SH3BP2: variants seen among roughly 807,000 people sequenced by gnomAD.
SH3BP2 encodes the protein SH3 domain-binding protein 2.
Under a neutral mutation model 56.2 loss-of-function variants are expected in SH3BP2, and 38 were observed. That is an observed-to-expected ratio of 0.68 (90% CI 0.52 to 0.89). The LOEUF is 0.89. SH3BP2 is among the 40% of genes least tolerant of loss of function. The pLI is 0.00. For synonymous variants in SH3BP2, 346 were observed against 316.7 expected, an observed-to-expected ratio of 1.09 and a Z score of -0.98; for missense variants, 748 against 762.6, an observed-to-expected ratio of 0.98 and a Z score of 0.23.
At chr4:2,806,305 C>T (rs1053766112) in intron 1 of SH3BP2, among the ~76,000 whole-genome samples, 1 of 152,120 alleles carries the variant, frequency 6.6e-6, no homozygotes, top group Admixed American at 6.5e-5. Flanking sequence ...ACAGTGAAAC[C>T]CTTCAGGCCA....
intron 2 of SH3BP2, among the ~76,000 whole-genome samples, chr4:2,821,388 TCTC>T (rs971149647): frequency 6.6e-6 from 1 of 152,108 alleles, no homozygotes; most frequent in African/African-American, 2.4e-5. Flanking sequence ...GTTGAGCTGT[TCTC>T]CTCTTTGCAC....
rs946632787 is a variant in SH3BP2, at chr4:2,831,968, G to T, written c.1396G>T (p.Glu466Ter). Residue 466 changes from glutamate to a stop codon, truncating the protein, a stop_gained, in exon 10 of 13, where the codon GAA (glutamate) becomes TAA (stop). Transcript: ENST00000503393. LOFTEE classifies it high-confidence loss of function. The surrounding 1 kb of genome is among the most constrained non-coding windows in gnomAD (Gnocchi z 4.1). ...SVFVNTTESC[E>*]VERLFKATSP... ...CTTCGTCAACACCACGGAGTCCTGC[G>T]AAGTGGAAAGGTCAGCACAAAGCCC... 3 of 1,612,920 alleles carry T rather than the reference G, an allele frequency of 1.9e-6. No individual in the cohort carries two copies. The highest frequency in any genetic ancestry group is 2.5e-6 in the Non-Finnish European group (3 of 1,180,028).
chr4:2,833,654 G>C, intron 12 of SH3BP2, 43 bp from the exon 13 acceptor site: 1 of 1,593,056 alleles, frequency 6.3e-7, no homozygotes, highest in Non-Finnish European at 8.6e-7. Context: ...GAGCCGCAGA[G>C]TGGCCTGGCC....
At chr4:2,819,035 C>T (rs1361031884) in intron 1 of SH3BP2, 2 of 321,958 alleles carry the variant, frequency 6.2e-6, no homozygotes, top group Admixed American at 6.5e-5. Context: ...CTGGCTCAAT[C>T]GATCCTCCTG....
At chr4:2,809,269 C>T (rs1247220010) in intron 1 of SH3BP2, among the ~76,000 whole-genome samples, 1 of 149,026 alleles carries the variant, frequency 6.7e-6, no homozygotes, top group African/African-American at 2.5e-5. Context: ...CCCACCCACT[C>T]TCCTAGGGCT....
At chr4:2,815,714 G>A (rs1443368551) in intron 1 of SH3BP2, among the ~76,000 whole-genome samples, 1 of 152,248 alleles carries the variant, frequency 6.6e-6, no homozygotes, top group Non-Finnish European at 1.5e-5. Context: ...CTCTGTTTCA[G>A]CTTCCTGTGC....
In SH3BP2 at chr4:2,839,193, A is replaced by T. The variant is rs1725335323; in HGVS notation, c.*5359A>T. Reference sequence around the variant, plus strand: ...TCTTTTCTTTTTTTTTTTTTCTGAGACAGGGTCTCACTCTGTTGCCCTGGC... The same window carrying T: ...TCTTTTCTTTTTTTTTTTTTCTGAGTCAGGGTCTCACTCTGTTGCCCTGGC... On this transcript the variant is annotated 3_prime_UTR_variant, in exon 13 of 13. Transcript: ENST00000503393. 6.9e-6 allele frequency: 1 copy of T among 144,862 alleles called. No homozygotes were observed. 9.0% of individuals were successfully genotyped at this position (144,862 alleles called of 1,614,324 possible). A position where few individuals can be genotyped will look rare whatever the true frequency, so the allele number is the denominator to read the frequency against.
At chr4:2,812,855 C>CATGTTGTGAT (rs34304762) in intron 1 of SH3BP2, among the ~76,000 whole-genome samples, 2 of 151,964 alleles carry the variant, frequency 1.3e-5, no homozygotes, top group African/African-American at 4.8e-5. Context: ...TAAGTACACA[C>CATGTTGTGAT]GTTGTGTATG....
intron 1 of SH3BP2, among the ~76,000 whole-genome samples, chr4:2,811,506 T>C (rs1577345787): frequency 6.6e-6 from 1 of 152,160 alleles, no homozygotes; most frequent in Admixed American, 6.5e-5. Flanking sequence ...GTGGCTAGAA[T>C]CCCCATTCCC....
At chr4:2,815,469 G>T (rs1371958356) in intron 1 of SH3BP2, among the ~76,000 whole-genome samples, 1 of 152,232 alleles carries the variant, frequency 6.6e-6, no homozygotes, top group Non-Finnish European at 1.5e-5. Flanking sequence ...CAGCAGCCAG[G>T]CAGGAACGAG....
chr4:2,816,752 A>G (rs1724019103), intron 1 of SH3BP2, among the ~76,000 whole-genome samples: 1 of 152,256 alleles, frequency 6.6e-6, no homozygotes, highest in African/African-American at 2.4e-5. Context: ...TGTTTTGAAT[A>G]TTAAACCATC....
chr4:2,804,536 G>A (rs996982813), intron 1 of SH3BP2, among the ~76,000 whole-genome samples: 2 of 152,148 alleles, frequency 1.3e-5, no homozygotes, highest in African/African-American at 4.8e-5. Flanking sequence ...GCTTCCCCAG[G>A]CCTTCCTGTC....
intron 1 of SH3BP2, 71 bp from the exon 2 acceptor site, chr4:2,820,543 C>T (rs916201206): frequency 1.3e-6 from 2 of 1,592,774 alleles, no homozygotes; most frequent in Admixed American, 1.7e-5. Context: ...GCAGTGTCCC[C>T]CTGAGCGCCC....
rs755576345 is a variant in SH3BP2 at position 2,833,884 on chromosome 4, C to T, written c.*50C>T. The T allele has an allele frequency of 6.6e-7, 1 of 1,522,090 alleles. No individual in the cohort carries two copies. Among genetic ancestry groups the T allele is most frequent in the South Asian group, 1.2e-5 (1 of 82,876 alleles). The allele number at this position is 1,522,090 out of a possible 1,614,324, so 94.3% of individuals were successfully genotyped here. ...CAAGGCAGTCACAGGGGCCCTGACC[C>T]CAGGCCACACAGACGGACATGGGCC... On this transcript the variant is annotated 3_prime_UTR_variant, in exon 13 of 13. Coordinates refer to ENST00000503393, the MANE Select transcript of SH3BP2 (RefSeq NM_001122681.2).
chr4:2,822,398 TCA>T (rs1560105337), intron 2 of SH3BP2, among the ~76,000 whole-genome samples: 1 of 151,976 alleles, frequency 6.6e-6, no homozygotes, highest in East Asian at 2.0e-4. Context: ...AGAGACAGTC[TCA>T]CTCTTGTCAC....
Position 2,820,643 on chromosome 4 carries a change from C to T in SH3BP2, c.26C>T (p.Pro9Leu). The change falls in exon 2 of 13, where the codon CCT becomes CTT. Residue 9 changes from proline to leucine, a missense_variant. By Grantham distance (98) the Pro-to-Leu change is moderately conservative (BLOSUM62 -3). This residue lies in a region of SH3BP2 where 104 missense variants were observed against 123.1 expected (regional missense o/e 0.84). Coordinates refer to ENST00000503393, the MANE Select transcript of SH3BP2 (RefSeq NM_001122681.2). Reference protein sequence around the residue: MAAEEMHWPVPMKAIGAQN... With the variant: MAAEEMHWLVPMKAIGAQN... ...ATGGCGGCTGAAGAGATGCATTGGC[C>T]TGTCCCTATGAAGGCCATTGGTGCC... 1.2e-6 allele frequency: 2 copies of T among 1,614,192 alleles called. No homozygotes were observed. The highest frequency in any genetic ancestry group is 1.7e-6 in the Non-Finnish European group (2 of 1,180,016).
rs752677545 is a variant in SH3BP2, at chr4:2,820,746, G to A, written c.129G>A (p.Leu43=). ...LHKKGGTQLQ[L]LKWPLRFVII... ...AGAAGGGCGGTACCCAGCTGCAGCTGCTGAAATGTGAGTCCCTGGGGTGGT... is the reference window on the plus strand; with the variant it reads ...AGAAGGGCGGTACCCAGCTGCAGCTACTGAAATGTGAGTCCCTGGGGTGGT... The change falls in exon 2 of 13, where the codon CTG becomes CTA. Residue 43 remains leucine (L), a synonymous_variant. Coordinates refer to ENST00000503393, the MANE Select transcript of SH3BP2 (RefSeq NM_001122681.2). 6.8e-6 allele frequency: 11 copies of A among 1,613,336 alleles called. No individual in the cohort carries two copies. Among genetic ancestry groups the A allele is most frequent in the Non-Finnish European group, 9.3e-6 (11 of 1,179,564 alleles).
At position 2,840,234 on chromosome 4, in the gene SH3BP2, C is replaced by CAAAAAAAA. The variant is rs568332811; in HGVS notation, c.*6413_*6420dup. The CAAAAAAAA allele has an allele frequency of 4.8e-5, 4 of 82,810 alleles. No homozygotes were observed. The highest frequency in any genetic ancestry group is 1.6e-4 in the African/African-American group (3 of 18,556). The allele number at this position is 82,810 out of a possible 1,614,324, so 5.1% of individuals were successfully genotyped here. On this transcript the variant is annotated 3_prime_UTR_variant, in exon 13 of 13. Transcript: ENST00000503393. ...AGTGAGACCCTATCTCAAAAAAAAC[C>CAAAAAAAA]AAAAAAAAAAAAAAAAAAAAGAAAA... is the stretch of plus-strand genomic sequence containing the variant.
In SH3BP2 at chr4:2,833,939, G is replaced by GT; in HGVS notation, c.*106dup. ...TGGGAGGGTGAGCAGGAGCAAGGCT[G>GT]TGCTTGCCTAGGGCCTCTGTGATGG... On this transcript the variant is annotated 3_prime_UTR_variant, in exon 13 of 13. Transcript: ENST00000503393. The GT allele has an allele frequency of 7.4e-7, 1 of 1,349,732 alleles. No individual in the cohort carries two copies. The highest frequency in any genetic ancestry group is 1.0e-6 in the Non-Finnish European group (1 of 1,001,536). 83.6% of individuals were successfully genotyped at this position (1,349,732 alleles called of 1,614,324 possible). A position where few individuals can be genotyped will look rare whatever the true frequency, so the allele number is the denominator to read the frequency against.
Sources: gnomAD v4.1 joint callset for allele counts (sites outside exome capture counted in the v4.1 genomes callset) on GRCh38, gnomAD v4.1.1 for gene constraint, gnomAD v4.1.1 regional missense constraint, Gnocchi (gnomAD v3.1) non-coding constraint, MANE v1.5 for transcripts, NCBI Gene and HGNC (gene_info 2026-07-23, HGNC 2026-07-21) for gene names.